NHSL1: variants seen among roughly 807,000 people sequenced by gnomAD.
NHSL1 encodes NHS like 1, also known as NHS-like protein 1.
Under a neutral mutation model 95.0 loss-of-function variants are expected in NHSL1, and 48 were observed. The ratio of observed to expected loss-of-function variants is 0.51; its 90% CI spans 0.40 to 0.64. The LOEUF is 0.64. NHSL1 is among the 30% of genes least tolerant of loss of function. The pLI, the probability that NHSL1 is intolerant of heterozygous loss-of-function variation, is 0.00. For missense variants in NHSL1, 1,971 were observed against 2,077.7 expected, an observed-to-expected ratio of 0.95 and a Z score of 1.00; for synonymous variants, 783 against 833.9, an observed-to-expected ratio of 0.94 and a Z score of 1.05.
intron 1 of NHSL1, among the ~76,000 whole-genome samples, chr6:138,680,035 G>A (rs1224096374): frequency 1.3e-5 from 2 of 152,028 alleles, no homozygotes; most frequent in Non-Finnish European, 2.9e-5. Flanking sequence ...TTGGAATTTA[G>A]GATGAATATA....
upstream of NHSL1, among the ~76,000 whole-genome samples, chr6:138,501,483 G>A (rs111923417): frequency 6.3e-3 from 952 of 152,296 alleles, 14 homozygotes; most frequent in African/African-American, 0.021. Context: ...GGTGGTCCTC[G>A]TGAAAAGTCG....
upstream of NHSL1, among the ~76,000 whole-genome samples, chr6:138,502,244 T>C (rs1411680210): frequency 6.6e-6 from 1 of 152,244 alleles, no homozygotes; most frequent in Non-Finnish European, 1.5e-5. Flanking sequence ...AAGCACTTAT[T>C]AATTAGAAAG....
At position 138,423,852 on chromosome 6, in the gene NHSL1, A is replaced by C; in HGVS notation, c.*229T>G. 2.8e-6 allele frequency: 1 copy of C among 358,904 alleles called. No homozygotes were observed. Among genetic ancestry groups the C allele is most frequent in the Non-Finnish European group, 4.9e-6 (1 of 203,374 alleles). 22.2% of individuals were successfully genotyped at this position (358,904 alleles called of 1,614,324 possible). ...AAAAAAAAAAAAATCTTCCCCGGGA[A>C]GCACTTTCAGAAGTTTAAGCTTCTA... is the stretch of plus-strand genomic sequence containing the variant. On this transcript the variant is annotated 3_prime_UTR_variant, in exon 8 of 8. Transcript: ENST00000343505.
At chr6:138,542,849 G>A (rs989404380) in intron 1 of NHSL1, among the ~76,000 whole-genome samples, 4 of 152,000 alleles carry the variant, frequency 2.6e-5, no homozygotes, top group East Asian at 1.9e-4. Context: ...CTGTAGCCTC[G>A]AACTCCTAGC....
intron 1 of NHSL1, among the ~76,000 whole-genome samples, chr6:138,653,204 A>G (rs1456636664): frequency 2.0e-5 from 3 of 152,164 alleles, no homozygotes; most frequent in South Asian, 4.1e-4. Context: ...CACACCTATT[A>G]TATTTCCAGG....
intron 1 of NHSL1, among the ~76,000 whole-genome samples, chr6:138,568,126 T>C (rs1482353380): frequency 1.3e-5 from 2 of 152,234 alleles, no homozygotes; most frequent in Non-Finnish European, 2.9e-5. Context: ...CATTAAATCT[T>C]GTTCAGTTAA....
intron 3 of NHSL1, among the ~76,000 whole-genome samples, chr6:138,470,029 T>C (rs1018825761): frequency 1.3e-5 from 2 of 152,148 alleles, no homozygotes; most frequent in Non-Finnish European, 2.9e-5. Flanking sequence ...TGTTAGCTGA[T>C]ATTTAATTAG....
At position 138,658,183 on chromosome 6, in the gene NHSL1, T is replaced by C. The variant is rs114679091; in HGVS notation, c.96+34293A>G. On this transcript the variant is annotated intron_variant, in intron 1 of 3. Transcript: ENST00000491526. ...AGGTATAATTGACAAATAAAAATTG[T>C]ATATATTTAAGGTGTACAACACGAT... 2.2e-3 allele frequency among the ~76,000 whole-genome samples: 332 copies of C among 152,300 alleles called. 1 individual carries two copies. Among genetic ancestry groups the C allele is most frequent in the African/African-American group, 7.5e-3 (310 of 41,580 alleles).
At chr6:138,576,406 GACTGCCT>G (rs1783973028), upstream of NHSL1, among the ~76,000 whole-genome samples, 1 of 152,160 alleles carries the variant, frequency 6.6e-6, no homozygotes, top group Non-Finnish European at 1.5e-5. Flanking sequence ...ACCTACATTA[GACTGCCT>G]TGTCCCCATG....
chr6:138,479,268 A>G (rs1049424379), intron 2 of NHSL1, among the ~76,000 whole-genome samples: 1 of 152,190 alleles, frequency 6.6e-6, no homozygotes, highest in Non-Finnish European at 1.5e-5. Flanking sequence ...CAACGTCAGC[A>G]TATGATTTTC....
At chr6:138,557,818 G>A (rs992429252) in intron 1 of NHSL1, among the ~76,000 whole-genome samples, 1 of 152,174 alleles carries the variant, frequency 6.6e-6, no homozygotes, top group Admixed American at 6.5e-5. Context: ...ACAACAAAAA[G>A]GGGCAATGCC....
At chr6:138,531,677 T>C (rs1275275145) in intron 1 of NHSL1, among the ~76,000 whole-genome samples, 4 of 152,026 alleles carry the variant, frequency 2.6e-5, no homozygotes, top group Admixed American at 6.6e-5. Flanking sequence ...CTTTTTTGTC[T>C]TTTTGTTTTT....
chr6:138,619,813 G>A (rs1191486086), intron 1 of NHSL1, among the ~76,000 whole-genome samples: 1 of 151,804 alleles, frequency 6.6e-6, no homozygotes, highest in African/African-American at 2.4e-5. Context: ...TCAGGCGTGG[G>A]GGCATATGCC....
chr6:138,563,905 G>T (rs1427955588), intron 1 of NHSL1, among the ~76,000 whole-genome samples: 1 of 152,198 alleles, frequency 6.6e-6, no homozygotes, highest in Non-Finnish European at 1.5e-5. Context: ...ACCAATTGGT[G>T]GGGAGGGGAG....
At chr6:138,554,657 T>TA (rs1783130431) in intron 1 of NHSL1, among the ~76,000 whole-genome samples, 1 of 152,238 alleles carries the variant, frequency 6.6e-6, no homozygotes, top group Admixed American at 6.5e-5. Flanking sequence ...ATTGAATACA[T>TA]TATTCTAATA....
chr6:138,578,882 A>G (rs1784010986), intron 1 of NHSL1, among the ~76,000 whole-genome samples: 1 of 152,192 alleles, frequency 6.6e-6, no homozygotes, highest in South Asian at 2.1e-4. Context: ...GAGGCCAGGA[A>G]GCTCATCTGT....
upstream of NHSL1, among the ~76,000 whole-genome samples, chr6:138,576,281 C>T (rs972511218): frequency 2.0e-5 from 3 of 152,072 alleles, no homozygotes; most frequent in Non-Finnish European, 4.4e-5. Flanking sequence ...CATGACCCAC[C>T]GCTCCCCGCC....
chr6:138,580,986 C>T (rs145458272), intron 1 of NHSL1, among the ~76,000 whole-genome samples: 118 of 152,288 alleles, frequency 7.7e-4, no homozygotes, highest in East Asian at 3.1e-3. Context: ...AGGCTGAGAT[C>T]GAAGTGATTC....
upstream of NHSL1, among the ~76,000 whole-genome samples, chr6:138,548,102 C>T (rs1180621310): frequency 6.6e-6 from 1 of 152,130 alleles, no homozygotes; most frequent in East Asian, 1.9e-4. Context: ...CTGCCTCAGC[C>T]TCCCAAGTAG....
Sources: allele counts gnomAD v4.1 joint callset (sites outside exome capture counted in the v4.1 genomes callset), GRCh38; gene constraint gnomAD v4.1.1; transcripts MANE v1.5; gene names NCBI Gene and HGNC (gene_info 2026-07-23, HGNC 2026-07-21).